The following GABPB2 variants were observed in gnomAD, a reference collection of about 807,000 sequenced individuals.
GABPB2 encodes the protein GA-binding protein subunit beta-2.
A neutral mutation model predicts 39.1 loss-of-function variants in GABPB2; 23 were observed. The ratio of observed to expected loss-of-function variants is 0.59; its 90% CI spans 0.42 to 0.83. The LOEUF (loss-of-function observed/expected upper bound fraction) is 0.83. Ranked by LOEUF, GABPB2 falls within the 40% of genes least tolerant of loss-of-function variation. The pLI is 0.00. For missense variants in GABPB2, 467 were observed against 541.1 expected, an observed-to-expected ratio of 0.86 and a Z score of 1.36; for synonymous variants, 184 against 199.3, an observed-to-expected ratio of 0.92 and a Z score of 0.65.
chr1:151,113,409 C>T (rs935367715), intron 7 of GABPB2, among the ~76,000 whole-genome samples: 2 of 145,788 alleles, frequency 1.4e-5, no homozygotes, highest in Non-Finnish European at 3.0e-5. Flanking sequence ...GCGGAGCTTG[C>T]AGTGAGCAGA....
Position 151,117,948 on chromosome 1 carries a change from C to CT in GABPB2, c.1048-5dup. On this transcript the variant is annotated splice_polypyrimidine_tract_variant and intron_variant, in intron 8 of 8. Coordinates refer to ENST00000368918, the MANE Select transcript of GABPB2 (RefSeq NM_144618.3). ...ATTTACCTGGTGGTGACATGGCTTA[C>CT]TTTTACAGGAAGGCAATGAAAGAGA... is the stretch of plus-strand genomic sequence containing the variant. The CT allele has an allele frequency of 6.2e-7, 1 of 1,605,564 alleles. No homozygotes were observed. Among genetic ancestry groups the CT allele is most frequent in the South Asian group, 1.1e-5 (1 of 90,580 alleles).
intron 1 of GABPB2, among the ~76,000 whole-genome samples, chr1:151,082,369 G>T (rs1441002936): frequency 6.9e-6 from 1 of 144,924 alleles, no homozygotes; most frequent in Non-Finnish European, 1.5e-5. Context: ...GAGCCACTGC[G>T]TCTGGCCAAC....
chr1:151,078,128 GT>G (rs1455819727), intron 1 of GABPB2, among the ~76,000 whole-genome samples: 17 of 151,272 alleles, frequency 1.1e-4, no homozygotes, highest in African/African-American at 3.9e-4. Context: ...AAATTATCCA[GT>G]TGTGGTGGCA....
chr1:151,103,510 G>A (rs1248223753), intron 5 of GABPB2, 52 bp from the exon 6 acceptor site: 1 of 1,190,694 alleles, frequency 8.4e-7, no homozygotes, highest in Non-Finnish European at 1.2e-6. Context: ...TTTTTAATTT[G>A]CCTCAATTTT....
At position 151,125,385 on chromosome 1, in the gene GABPB2, CTTCT is replaced by C. The variant is rs1462229327; in HGVS notation, c.*7132_*7135del. On this transcript the variant is annotated 3_prime_UTR_variant, in exon 9 of 9. Transcript: ENST00000368918. ...GTATTTTTAGAAAAACTTAAATATA[CTTCT>C]TTATTTAGGGTTTTATTCTGATGAG... is the stretch of plus-strand genomic sequence containing the variant. The C allele has an allele frequency of 6.6e-6, 1 of 151,972 alleles. No homozygotes were observed. Among genetic ancestry groups the C allele is most frequent in the Non-Finnish European group, 1.5e-5 (1 of 68,030 alleles). The allele number at this position is 151,972 out of a possible 1,614,324, so 9.4% of individuals were successfully genotyped here.
At chr1:151,102,626 G>T (rs1249187862) in intron 5 of GABPB2, among the ~76,000 whole-genome samples, 1 of 152,042 alleles carries the variant, frequency 6.6e-6, no homozygotes, top group Non-Finnish European at 1.5e-5. Context: ...ATTTTTAGTA[G>T]AGACAGGGTT....
At chr1:151,115,333 G>A (rs587752744) in intron 7 of GABPB2, among the ~76,000 whole-genome samples, 6 of 151,676 alleles carry the variant, frequency 4.0e-5, no homozygotes, top group African/African-American at 1.5e-4. Flanking sequence ...ACTCCAGCCT[G>A]AATAATAAGA....
intron 7 of GABPB2, among the ~76,000 whole-genome samples, chr1:151,115,667 C>A (rs1162392889): frequency 6.6e-6 from 1 of 152,096 alleles, no homozygotes; most frequent in South Asian, 2.1e-4. Flanking sequence ...CCCCAAAGTG[C>A]TGGGATTACA....
At position 151,090,485 on chromosome 1, in the gene GABPB2, G is replaced by A. The variant is rs770534366; in HGVS notation, c.188G>A (p.Ser63Asn). Residue 63 changes from serine to asparagine, a missense_variant, in exon 3 of 9, where the codon AGC becomes AAC. Ser to Asn is a conservative substitution (Grantham distance 46). Coordinates refer to ENST00000368918, the MANE Select transcript of GABPB2 (RefSeq NM_144618.3). ...GAAGTACTCCTTCGAGCAGGTGTTA[G>A]CAGGGATGCCCGGACTAAAGTAGAC... The part of the protein sequence containing the change: ...TAEVLLRAGV[S>N]RDARTKVDRT... The A allele has an allele frequency of 6.2e-7, 1 of 1,614,128 alleles. No individual in the cohort carries two copies. Among genetic ancestry groups the A allele is most frequent in the Admixed American group, 1.7e-5 (1 of 60,002 alleles).
At chr1:151,117,254 G>C in intron 7 of GABPB2, 138 bp from the exon 8 acceptor site, 1 of 827,028 alleles carries the variant, frequency 1.2e-6, no homozygotes, top group East Asian at 2.6e-5. Flanking sequence ...TCAGCTGCCT[G>C]AGTAGCTAGG....
chr1:151,073,345 T>A (rs1676878337), intron 1 of GABPB2, among the ~76,000 whole-genome samples: 1 of 152,178 alleles, frequency 6.6e-6, no homozygotes, highest in Admixed American at 6.6e-5. Flanking sequence ...CAGATTTTGT[T>A]TCCTCAGTTT....
In GABPB2 at chr1:151,090,573, G is replaced by A. The variant is rs1678586597; in HGVS notation, c.276G>A (p.Arg92=). ...GHAHIVELLV[R]NGADVNAKDM... is the part of the protein sequence containing the mutation. Reference sequence around the variant, plus strand: ...CGCACATCGTGGAACTGCTTGTTCGGGTAAAGCAAGAATAGGGGCAAGGTT... The same window carrying A: ...CGCACATCGTGGAACTGCTTGTTCGAGTAAAGCAAGAATAGGGGCAAGGTT... Residue 92 remains arginine (R), a splice_region_variant and synonymous_variant, in exon 3 of 9, where the codon CGG becomes CGA. Coordinates refer to ENST00000368918, the MANE Select transcript of GABPB2 (RefSeq NM_144618.3). 6.2e-7 allele frequency: 1 copy of A among 1,613,026 alleles called. No homozygotes were observed. The highest frequency in any genetic ancestry group is 8.5e-7 in the Non-Finnish European group (1 of 1,179,510).
At chr1:151,084,532 G>GC (rs1553261860) in intron 1 of GABPB2, among the ~76,000 whole-genome samples, 1 of 98,606 alleles carries the variant, frequency 1.0e-5, no homozygotes, top group Non-Finnish European at 2.1e-5. Flanking sequence ...GGCCCTAGCT[G>GC]TTTTTTTTTT....
Position 151,097,931 on chromosome 1 carries a change from T to G in GABPB2, c.551T>G (p.Phe184Cys), listed in dbSNP as rs1233370436. 2 of 1,614,002 alleles carry G rather than the reference T, an allele frequency of 1.2e-6. No homozygotes were observed. Among genetic ancestry groups the G allele is most frequent in the Non-Finnish European group, 1.7e-6 (2 of 1,179,986 alleles). The change falls in exon 5 of 9, where the codon TTC becomes TGC. Residue 184 changes from phenylalanine (F) to cysteine (C), a missense_variant. Coordinates refer to ENST00000368918, the MANE Select transcript of GABPB2 (RefSeq NM_144618.3). ...GACCCTGTGAGTATGGCTGCTCCAT[T>G]CATCTTCACGTCGGGTGAGGTTGTT... ...VTDPVSMAAP[F>C]IFTSGEVVNL...
At chr1:151,086,805 CTA>C (rs1678238297) in intron 1 of GABPB2, among the ~76,000 whole-genome samples, 1 of 151,940 alleles carries the variant, frequency 6.6e-6, no homozygotes, top group Admixed American at 6.6e-5. Flanking sequence ...GTAGCTGAGA[CTA>C]TAGGCACGTA....
At chr1:151,071,116 G>A (rs1466913924) in intron 1 of GABPB2, among the ~76,000 whole-genome samples, 182 bp downstream of exon 1, 1 of 152,070 alleles carries the variant, frequency 6.6e-6, no homozygotes, top group African/African-American at 2.4e-5. Flanking sequence ...GGATGCTGTC[G>A]GGAGGAAGGG....
At chr1:151,080,215 CAA>C (rs57351502) in intron 1 of GABPB2, among the ~76,000 whole-genome samples, 11 of 30,012 alleles carry the variant, frequency 3.7e-4, no homozygotes, top group African/African-American at 6.3e-4. Flanking sequence ...AACTCCATCT[CAA>C]AAAAAAAAAA....
rs1018676100 is a variant in GABPB2 at position 151,122,430 on chromosome 1, C to G, written c.*4174C>G. 2 of 152,068 alleles carry G rather than the reference C, an allele frequency of 1.3e-5. No individual in the cohort carries two copies. The highest frequency in any genetic ancestry group is 4.8e-5 in the African/African-American group (2 of 41,398). The allele number at this position is 152,068 out of a possible 1,614,324, so 9.4% of individuals were successfully genotyped here. A position where few individuals can be genotyped will look rare whatever the true frequency, so the allele number is the denominator to read the frequency against. On this transcript the variant is annotated 3_prime_UTR_variant, in exon 9 of 9. Coordinates refer to ENST00000368918, the MANE Select transcript of GABPB2 (RefSeq NM_144618.3). ...AGTCCCTTTGGGAACCAGGTGCTAA[C>G]AAGAAGCTGTTATGTGTGGGATTTC...
chr1:151,102,768 T>G (rs1679637818), intron 5 of GABPB2, among the ~76,000 whole-genome samples: 1 of 152,178 alleles, frequency 6.6e-6, no homozygotes, highest in Admixed American at 6.6e-5. Flanking sequence ...TTAACTATTC[T>G]TGTACTAGAG....
Sources: allele counts gnomAD v4.1 joint callset (sites outside exome capture counted in the v4.1 genomes callset), GRCh38; gene constraint gnomAD v4.1.1; transcripts MANE v1.5; gene names NCBI Gene and HGNC (gene_info 2026-07-23, HGNC 2026-07-21).